The following WIPI2 variants were observed in gnomAD, a reference collection of about 807,000 sequenced individuals.
The protein encoded by WIPI2 is WD repeat domain, phosphoinositide interacting 2.
In WIPI2, 28 loss-of-function variants were observed where a neutral mutation model predicts 52.3. The ratio of observed to expected loss-of-function variants is 0.54; its 90% CI spans 0.40 to 0.73. The LOEUF is 0.73. Ranked by LOEUF, WIPI2 falls within the 30% of genes least tolerant of loss-of-function variation. WIPI2 has a pLI of 0.00. For synonymous variants in WIPI2, 268 were observed against 245.0 expected (o/e 1.09, Z -0.88); for missense variants, 506 against 602.9 (o/e 0.84, Z 1.68).
intron 11 of WIPI2, 197 bp from the exon 12 acceptor site, chr7:5,229,411 T>C (rs1321213764): frequency 1.8e-6 from 1 of 563,286 alleles, no homozygotes; most frequent in Non-Finnish European, 3.1e-6. Context: ...ACTCCCTCTT[T>C]AGACTTTCCA....
rs565087688 is a variant in WIPI2 at position 5,202,813 on chromosome 7, G to A, written c.211+3155G>A. On this transcript the variant is annotated intron_variant, in intron 3 of 12. Transcript: ENST00000288828. ...TGAATATACATAATGCACAAAATGT[G>A]GTCTCTTTTCCCTAAAATATTCTAC... is the stretch of plus-strand genomic sequence containing the variant. 4.6e-5 allele frequency among the ~76,000 whole-genome samples: 7 copies of A among 152,240 alleles called. No individual in the cohort carries two copies. The East Asian group carries it at 1.2e-3, about 25-fold the overall frequency.
chr7:5,212,840 G>A (rs758993980), intron 3 of WIPI2, among the ~76,000 whole-genome samples: 104 of 152,306 alleles, frequency 6.8e-4, no homozygotes, highest in Admixed American at 1.6e-3. Flanking sequence ...CTCGCCCACC[G>A]CCTAGCAAGC....
rs115936451 is a variant in WIPI2 at position 5,216,455 on chromosome 7, A to G, written c.382-108A>G. The G allele has an allele frequency of 7.9e-4, 675 of 859,498 alleles. 6 individuals are homozygous for G. The African/African-American group carries it at 0.011, about 13-fold the overall frequency. 53.2% of individuals were successfully genotyped at this position (859,498 alleles called of 1,614,324 possible). A position where few individuals can be genotyped will look rare whatever the true frequency, so the allele number is the denominator to read the frequency against. On this transcript the variant is annotated intron_variant, in intron 4 of 12. Transcript: ENST00000288828. ...TCCAAAAAAATAAAATACAATAACA[A>G]TAGAAGGAATGAGAGCGTCATAGTC...
intron 11 of WIPI2, 149 bp from the exon 12 acceptor site, chr7:5,229,459 G>A (rs972664427): frequency 9.4e-6 from 8 of 849,544 alleles, no homozygotes; most frequent in African/African-American, 3.4e-5. Flanking sequence ...GCAGATAGAC[G>A]AGATTAAAGT....
At chr7:5,198,175 C>T (rs1288352395) in intron 2 of WIPI2, among the ~76,000 whole-genome samples, 1 of 152,162 alleles carries the variant, frequency 6.6e-6, no homozygotes, top group Non-Finnish European at 1.5e-5. Flanking sequence ...GAGTCCGTTT[C>T]GTTTCCAGCC....
intron 3 of WIPI2, among the ~76,000 whole-genome samples, chr7:5,206,651 G>A (rs950738944): frequency 2.0e-5 from 3 of 152,156 alleles, no homozygotes; most frequent in Non-Finnish European, 4.4e-5. Context: ...TTTTCAAACT[G>A]AAAAGTGGAA....
intron 1 of WIPI2, 143 bp downstream of exon 1, chr7:5,190,636 G>C (rs1201252388): frequency 6.2e-6 from 5 of 801,314 alleles, no homozygotes; most frequent in Non-Finnish European, 8.6e-6. Flanking sequence ...CCCAGGGGCG[G>C]GCCCGGGGCG....
intron 3 of WIPI2, among the ~76,000 whole-genome samples, chr7:5,207,278 C>T (rs1782341651): frequency 1.3e-5 from 2 of 152,216 alleles, no homozygotes; most frequent in African/African-American, 2.4e-5. Flanking sequence ...GGTTTACCAT[C>T]ACTCCAGAAA....
chr7:5,229,348 G>A (rs915925533), intron 11 of WIPI2: 6 of 325,986 alleles, frequency 1.8e-5, no homozygotes, highest in African/African-American at 4.3e-5. Context: ...GTGAATCCTC[G>A]TTATTAGTTA....
chr7:5,206,118 A>T (rs1782284490), intron 3 of WIPI2, among the ~76,000 whole-genome samples: 1 of 152,146 alleles, frequency 6.6e-6, no homozygotes, highest in Non-Finnish European at 1.5e-5. Context: ...AAATACTAGA[A>T]AGGGTTTTTC....
At position 5,231,219 on chromosome 7, in the gene WIPI2, G is replaced by T. The variant is rs181396494; in HGVS notation, c.*272G>T. 5.7e-4 allele frequency: 205 copies of T among 359,798 alleles called. No individual in the cohort carries two copies. The highest frequency in any genetic ancestry group is 8.5e-4 in the Non-Finnish European group (170 of 199,854). 22.3% of individuals were successfully genotyped at this position (359,798 alleles called of 1,614,324 possible). On this transcript the variant is annotated 3_prime_UTR_variant, in exon 13 of 13. Transcript: ENST00000288828. Reference sequence around the variant, plus strand: ...CAAAATTAACTGTTTGGTGAAGCCCGCAAAACCTCCTCGCTTTGCATGCAT... The same window carrying T: ...CAAAATTAACTGTTTGGTGAAGCCCTCAAAACCTCCTCGCTTTGCATGCAT...
In WIPI2 at chr7:5,233,785, G is replaced by A. The variant is rs1783842410; in HGVS notation, c.*2838G>A. 6.6e-6 allele frequency: 1 copy of A among 152,250 alleles called. No individual in the cohort carries two copies. The highest frequency in any genetic ancestry group is 1.5e-5 in the Non-Finnish European group (1 of 68,050). The allele number at this position is 152,250 out of a possible 1,614,324, so 9.4% of individuals were successfully genotyped here. On this transcript the variant is annotated 3_prime_UTR_variant, in exon 13 of 13. Coordinates refer to ENST00000288828, the MANE Select transcript of WIPI2 (RefSeq NM_015610.4). ...CTGCAAACGCCCAGCTCGGTGCCCA[G>A]CCAGCGGTGGGCACCCAATAAACGC...
intron 8 of WIPI2, among the ~76,000 whole-genome samples, chr7:5,222,994 A>G (rs1783223474): frequency 6.6e-6 from 1 of 152,138 alleles, no homozygotes; most frequent in Non-Finnish European, 1.5e-5. Context: ...CATGGGTAGC[A>G]CACCCTCCCC....
chr7:5,208,004 G>A lies in WIPI2; in HGVS notation c.212-6531G>A, dbSNP rs190773947. ...TGGCCTGAGACTCCTGACCTCAGGCGATCCGGCCATCTCGACCTCCCAAAG... is the reference window on the plus strand; with the variant it reads ...TGGCCTGAGACTCCTGACCTCAGGCAATCCGGCCATCTCGACCTCCCAAAG... On this transcript the variant is annotated intron_variant, in intron 3 of 12. Coordinates refer to ENST00000288828, the MANE Select transcript of WIPI2 (RefSeq NM_015610.4). Among the ~76,000 whole-genome samples, 44 of 152,200 alleles carry A rather than the reference G, an allele frequency of 2.9e-4. No individual in the cohort carries two copies. In the South Asian group the frequency reaches 4.6e-3, roughly 16 times the overall value.
In WIPI2 at chr7:5,190,325, C is replaced by T; in HGVS notation, c.-95C>T. 1.2e-5 allele frequency: 10 copies of T among 805,808 alleles called. No individual in the cohort carries two copies. Among genetic ancestry groups the T allele is most frequent in the Non-Finnish European group, 1.5e-5 (9 of 608,270 alleles). 49.9% of individuals were successfully genotyped at this position (805,808 alleles called of 1,614,324 possible). A position where few individuals can be genotyped will look rare whatever the true frequency, so the allele number is the denominator to read the frequency against. On this transcript the variant is annotated 5_prime_UTR_variant, in exon 1 of 13. Coordinates refer to ENST00000288828, the MANE Select transcript of WIPI2 (RefSeq NM_015610.4). ...GGGTGGCGAGTGGCGGCGACCGAGG[C>T]GGCGAGCGGGGCCCGGCGCCGACCC...
At chr7:5,198,308 A>T (rs963772112) in intron 2 of WIPI2, among the ~76,000 whole-genome samples, 3 of 148,064 alleles carry the variant, frequency 2.0e-5, no homozygotes, top group Non-Finnish European at 4.5e-5. Context: ...TAGAAAATTC[A>T]CTTACTTAAC....
chr7:5,198,648 T>C (rs1224000510), intron 2 of WIPI2, among the ~76,000 whole-genome samples: 2 of 152,212 alleles, frequency 1.3e-5, no homozygotes, highest in Admixed American at 1.3e-4. Context: ...ACATATACTG[T>C]GTGTACACAT....
In WIPI2 at chr7:5,193,041, T is replaced by A; in HGVS notation, c.75-77T>A. The stretch of plus-strand genomic sequence containing the variant: ...TTCCAATGTCGTACTTTTTCATGAT[T>A]CCTATCCTAAAAGTGTGCATAAGTT... On this transcript the variant is annotated intron_variant, in intron 1 of 12. Coordinates refer to ENST00000288828, the MANE Select transcript of WIPI2 (RefSeq NM_015610.4). 2.1e-6 allele frequency: 3 copies of A among 1,401,820 alleles called. No individual in the cohort carries two copies. The African/African-American group carries it at 4.3e-5, about 20-fold the overall frequency. The allele number at this position is 1,401,820 out of a possible 1,614,324, so 86.8% of individuals were successfully genotyped here.
At chr7:5,216,516 G>A (rs1782820058) in intron 4 of WIPI2, 47 bp from the exon 5 acceptor site, 1 of 1,496,990 alleles carries the variant, frequency 6.7e-7, no homozygotes, top group African/African-American at 1.4e-5. Context: ...GGCAGGTATT[G>A]CACTGGCCGT....
Sources: gnomAD v4.1 joint callset for allele counts (sites outside exome capture counted in the v4.1 genomes callset) on GRCh38, gnomAD v4.1.1 for gene constraint, MANE v1.5 for transcripts, NCBI Gene and HGNC (gene_info 2026-07-23, HGNC 2026-07-21) for gene names.